Variants in TBC1D15 observed in about 807,000 individuals in gnomAD.
The protein encoded by TBC1D15 is GAP for RAB7.
In TBC1D15, 39 loss-of-function variants were observed where a neutral mutation model predicts 95.4. The ratio of observed to expected loss-of-function variants is 0.41; its 90% confidence interval spans 0.32 to 0.53. The LOEUF (loss-of-function observed/expected upper bound fraction) is 0.53. Among genes scored for constraint, TBC1D15 ranks in the 20% least tolerant of loss-of-function variants. The pLI, the probability that TBC1D15 is intolerant of heterozygous loss-of-function variation, is 0.29. For synonymous variants in TBC1D15, 258 were observed against 261.3 expected (o/e 0.99, Z 0.12); for missense variants, 733 against 794.3 (o/e 0.92, Z 0.93).
At chr12:71,849,600 G>T in intron 1 of TBC1D15, 1 of 621,780 alleles carries the variant, frequency 1.6e-6, no homozygotes, top group South Asian at 1.6e-5. Context: ...TGAATCATCA[G>T]TCAGTACCGT....
chr12:71,894,054 A>G (rs1897706447), intron 6 of TBC1D15, among the ~76,000 whole-genome samples: 1 of 152,002 alleles, frequency 6.6e-6, no homozygotes, highest in Non-Finnish European at 1.5e-5. Context: ...GAATTATTTA[A>G]TAAATAACTG....
At chr12:71,894,263 A>C (rs1298781435) in intron 6 of TBC1D15, 1 of 1,407,382 alleles carries the variant, frequency 7.1e-7, no homozygotes, top group South Asian at 1.2e-5. Flanking sequence ...TTAGCCATCA[A>C]ATATTTTGTG....
intron 16 of TBC1D15, among the ~76,000 whole-genome samples, chr12:71,922,551 C>T (rs1428186984): frequency 1.3e-5 from 2 of 152,144 alleles, no homozygotes; most frequent in African/African-American, 2.4e-5. Flanking sequence ...GTTCATTGAT[C>T]CAAACTGTTA....
At chr12:71,852,819 G>GT (rs1344159729) in intron 1 of TBC1D15, among the ~76,000 whole-genome samples, 1 of 152,072 alleles carries the variant, frequency 6.6e-6, no homozygotes, top group East Asian at 1.9e-4. Context: ...TTCACTCTCC[G>GT]TATCACTGCC....
chr12:71,920,627 A>G (rs892653282), intron 14 of TBC1D15, 104 bp from the exon 15 acceptor site: 3 of 879,990 alleles, frequency 3.4e-6, no homozygotes, highest in African/African-American at 3.4e-5. Context: ...TAAACAGGCA[A>G]CATCTACTTT....
chr12:71,856,699 A>G (rs760017182), intron 1 of TBC1D15, among the ~76,000 whole-genome samples: 5 of 152,206 alleles, frequency 3.3e-5, no homozygotes, highest in African/African-American at 1.2e-4. Flanking sequence ...CCTGTAGTAC[A>G]GAGGACCTAC....
intron 4 of TBC1D15, among the ~76,000 whole-genome samples, chr12:71,881,639 C>T (rs1484165279): frequency 5.3e-5 from 8 of 152,062 alleles, no homozygotes; most frequent in Non-Finnish European, 7.4e-5. Context: ...AGTTAAAGGC[C>T]GGGCGCGGTG....
At chr12:71,883,853 C>T (rs1015590700) in intron 4 of TBC1D15, among the ~76,000 whole-genome samples, 1 of 152,104 alleles carries the variant, frequency 6.6e-6, no homozygotes, top group African/African-American at 2.4e-5. Context: ...TAAGAACTAG[C>T]ATCATTAGTG....
At chr12:71,847,220 T>C (rs980148695) in intron 1 of TBC1D15, among the ~76,000 whole-genome samples, 40 of 152,176 alleles carry the variant, frequency 2.6e-4, no homozygotes, top group African/African-American at 9.2e-4. Context: ...CATCACTCCA[T>C]GTGTCCTCAG....
intron 1 of TBC1D15, chr12:71,854,771 A>C (rs1888645993): frequency 2.2e-6 from 1 of 456,188 alleles, no homozygotes; most frequent in South Asian, 1.5e-5. Flanking sequence ...TCTCCCCCCC[A>C]CCTTCTTTTG....
intron 1 of TBC1D15, among the ~76,000 whole-genome samples, chr12:71,841,962 G>C (rs1445954101): frequency 6.6e-6 from 1 of 152,166 alleles, no homozygotes; most frequent in African/African-American, 2.4e-5. Flanking sequence ...GAGAAAATGT[G>C]TGTGTGTGTT....
Position 71,923,349 on chromosome 12 carries a change from T to A in TBC1D15, c.*145T>A. ...TACTGATGTTCTTACATTAAAGCTT[T>A]ACAAAGATTTAAACTAATTATTTTT... is the stretch of plus-strand genomic sequence containing the variant. On this transcript the variant is annotated 3_prime_UTR_variant, in exon 17 of 17. Coordinates refer to ENST00000485960, the MANE Select transcript of TBC1D15 (RefSeq NM_001146213.3). The A allele has an allele frequency of 1.5e-6, 1 of 681,114 alleles. No homozygotes were observed. Among genetic ancestry groups the A allele is most frequent in the Non-Finnish European group, 2.4e-6 (1 of 417,584 alleles). 42.2% of individuals were successfully genotyped at this position (681,114 alleles called of 1,614,324 possible).
At chr12:71,853,982 T>G (rs1293455686) in intron 1 of TBC1D15, among the ~76,000 whole-genome samples, 1 of 152,234 alleles carries the variant, frequency 6.6e-6, no homozygotes, top group African/African-American at 2.4e-5. Context: ...CGAGGAAGAC[T>G]GCAGATTTCT....
chr12:71,904,536 T>G (rs972985940), intron 10 of TBC1D15, among the ~76,000 whole-genome samples: 3 of 152,114 alleles, frequency 2.0e-5, no homozygotes, highest in African/African-American at 7.2e-5. Context: ...CTGGTAAAAC[T>G]GAAGAGGGAG....
intron 1 of TBC1D15, among the ~76,000 whole-genome samples, chr12:71,843,379 G>A (rs945407052): frequency 6.6e-6 from 1 of 151,910 alleles, no homozygotes; most frequent in Non-Finnish European, 1.5e-5. Context: ...CTTAAAATTG[G>A]CCCTAACCAA....
chr12:71,901,237 G>A (rs1899318515), intron 10 of TBC1D15, among the ~76,000 whole-genome samples: 1 of 151,988 alleles, frequency 6.6e-6, no homozygotes, highest in Non-Finnish European at 1.5e-5. Context: ...TCCCAGGCTG[G>A]TCTCCAACTC....
chr12:71,878,581 T>G (rs1028823650), intron 3 of TBC1D15, among the ~76,000 whole-genome samples: 1 of 151,692 alleles, frequency 6.6e-6, no homozygotes, highest in Non-Finnish European at 1.5e-5. Context: ...AGTGGTGCGA[T>G]TTCGGCTCAC....
intron 16 of TBC1D15, among the ~76,000 whole-genome samples, chr12:71,921,838 C>T (rs1366436035): frequency 6.6e-6 from 1 of 152,174 alleles, no homozygotes; most frequent in Non-Finnish European, 1.5e-5. Flanking sequence ...ATTATTTAGC[C>T]TGTGTCACTC....
intron 1 of TBC1D15, among the ~76,000 whole-genome samples, chr12:71,852,890 C>T: frequency 6.6e-6 from 1 of 152,176 alleles, no homozygotes; most frequent in East Asian, 1.9e-4. Flanking sequence ...CCCTCATCTT[C>T]CTATCTTCTG....
Sources: allele counts gnomAD v4.1 joint callset (sites outside exome capture counted in the v4.1 genomes callset), GRCh38; gene constraint gnomAD v4.1.1; transcripts MANE v1.5; gene names NCBI Gene and HGNC (gene_info 2026-07-23, HGNC 2026-07-21).